Variants in PCDHGA2 observed in about 807,000 individuals in gnomAD.
PCDHGA2 encodes protocadherin gamma-A2.
PCDHGA2 carries 40 observed loss-of-function variants against 59.2 expected under a neutral mutation model. The observed-to-expected ratio is 0.68, with a 90% CI of 0.52 to 0.88. The LOEUF is 0.88. Ranked by LOEUF, PCDHGA2 falls within the 40% of genes least tolerant of loss-of-function variation. The pLI, the probability that PCDHGA2 is intolerant of heterozygous loss-of-function variation, is 0.00. For synonymous variants in PCDHGA2, 560 were observed against 526.0 expected (o/e 1.06, Z -0.89); for missense variants, 1,226 against 1,204.0 (o/e 1.02, Z -0.27).
At chr5:141,365,186 G>T in intron 1 of PCDHGA2, 1 of 1,613,880 alleles carries the variant, frequency 6.2e-7, no homozygotes, top group Non-Finnish European at 8.5e-7. Flanking sequence ...CAATGAAGAA[G>T]AAAAAATTTC....
At chr5:141,355,917 T>C (rs538796381) in intron 1 of PCDHGA2, 1 of 1,613,796 alleles carries the variant, frequency 6.2e-7, no homozygotes, top group East Asian at 2.2e-5. Context: ...ACGATAATGC[T>C]CCCGTGTTCA....
Position 141,422,522 on chromosome 5 carries a change from C to T in PCDHGA2, c.2425-72285C>T, listed in dbSNP as rs767482856. On this transcript the variant is annotated intron_variant, in intron 1 of 3. Coordinates refer to ENST00000394576, the MANE Select transcript of PCDHGA2 (RefSeq NM_018915.4). Reference sequence around the variant, plus strand: ...ACAGCCACAGACCAGGGAAGCCCGCCTTTGTCTGCAGAAACTCATGTCTGG... The same window carrying T: ...ACAGCCACAGACCAGGGAAGCCCGCTTTTGTCTGCAGAAACTCATGTCTGG... 11 of 1,614,014 alleles carry T rather than the reference C, an allele frequency of 6.8e-6. No homozygotes were observed. In the South Asian group the frequency reaches 1.1e-4, roughly 16 times the overall value.
In PCDHGA2 at chr5:141,486,866, G is replaced by A; in HGVS notation, c.2425-7941G>A. Reference sequence around the variant, plus strand: ...GGACCTCAATGACAATGCTCCAGCTGTGCTCCGTCCTCGGGCCCGGCCTGG... The same window carrying A: ...GGACCTCAATGACAATGCTCCAGCTATGCTCCGTCCTCGGGCCCGGCCTGG... On this transcript the variant is annotated intron_variant, in intron 1 of 3. Transcript: ENST00000394576. The surrounding 1 kb of genome is among the most constrained non-coding windows in gnomAD (Gnocchi z 5.0). 6.2e-7 allele frequency: 1 copy of A among 1,614,202 alleles called. No homozygotes were observed. The highest frequency in any genetic ancestry group is 8.5e-7 in the Non-Finnish European group (1 of 1,180,038).
intron 1 of PCDHGA2, among the ~76,000 whole-genome samples, chr5:141,359,008 G>A (rs1212259195): frequency 2.0e-5 from 3 of 152,230 alleles, no homozygotes; most frequent in Non-Finnish European, 4.4e-5. Flanking sequence ...ACACAAATTA[G>A]TGTAATTTGA....
intron 1 of PCDHGA2, chr5:141,362,167 C>T: frequency 6.2e-7 from 1 of 1,614,044 alleles, no homozygotes; most frequent in Non-Finnish European, 8.5e-7. Flanking sequence ...CCTCAGCGAC[C>T]GCCGGGAGCC....
At chr5:141,426,826 T>C (rs2096963111) in intron 1 of PCDHGA2, 1 of 456,600 alleles carries the variant, frequency 2.2e-6, no homozygotes, top group Admixed American at 2.3e-5. Flanking sequence ...TCTCTGATGA[T>C]GGACAAGACT....
rs1374646530 is a variant in PCDHGA2, at chr5:141,431,339, T to C, written c.2425-63468T>C. ...AGCCGACGGTAGTAAGTACCCCGAA[T>C]TGGTGCTGAAACGCGCCCTGGACCG... On this transcript the variant is annotated intron_variant, in intron 1 of 3. Coordinates refer to ENST00000394576, the MANE Select transcript of PCDHGA2 (RefSeq NM_018915.4). This position sits in a 1 kb window ranked among gnomAD's most constrained non-coding sequence, Gnocchi z 4.8. 1 of 1,614,060 alleles carries C rather than the reference T, an allele frequency of 6.2e-7. No individual in the cohort carries two copies. The highest frequency in any genetic ancestry group is 8.5e-7 in the Non-Finnish European group (1 of 1,180,024).
At chr5:141,394,859 C>G in intron 1 of PCDHGA2, 4 of 1,613,758 alleles carry the variant, frequency 2.5e-6, no homozygotes, top group Non-Finnish European at 3.4e-6. Flanking sequence ...AGCCTTCGGT[C>G]GACCCGAACG....
chr5:141,344,720 A>G (rs1480095301), intron 1 of PCDHGA2: 2 of 1,613,808 alleles, frequency 1.2e-6, no homozygotes, highest in Non-Finnish European at 1.7e-6. Flanking sequence ...TGCACATCCA[A>G]GTGATAGTCC....
chr5:141,474,687 A>G (rs369586568), intron 1 of PCDHGA2, among the ~76,000 whole-genome samples: 35 of 152,302 alleles, frequency 2.3e-4, no homozygotes, highest in African/African-American at 7.7e-4. Flanking sequence ...CTACCCCTTC[A>G]CTTATGTTCA....
intron 1 of PCDHGA2, chr5:141,356,248 A>T (rs1760166144): frequency 6.3e-7 from 1 of 1,577,062 alleles, no homozygotes; most frequent in Non-Finnish European, 8.6e-7. Flanking sequence ...AGTCACAGTT[A>T]CATCTCTCAC....
At chr5:141,355,349 A>T (rs534261115) in intron 1 of PCDHGA2, 2 of 1,614,032 alleles carry the variant, frequency 1.2e-6, no homozygotes, top group South Asian at 2.2e-5. Flanking sequence ...AACATCGCCA[A>T]GGACCTGGGG....
chr5:141,341,666 G>T, intron 1 of PCDHGA2: 1 of 624,078 alleles, frequency 1.6e-6, no homozygotes. Context: ...AGGGTGTCTG[G>T]TTTCTTATAC....
chr5:141,359,398 T>A (rs913400930), intron 1 of PCDHGA2, among the ~76,000 whole-genome samples: 8 of 152,004 alleles, frequency 5.3e-5, no homozygotes, highest in Non-Finnish European at 7.4e-5. Flanking sequence ...TAAAATCAAA[T>A]TTTTTAAAAA....
intron 1 of PCDHGA2, chr5:141,428,270 C>T (rs1353416356): frequency 1.3e-6 from 1 of 778,952 alleles, no homozygotes. Flanking sequence ...AGTCCTGTGC[C>T]CTCTGATTCC....
chr5:141,421,586 T>A (rs750525078), intron 1 of PCDHGA2: 2 of 1,613,602 alleles, frequency 1.2e-6, no homozygotes, highest in Admixed American at 3.3e-5. Context: ...ATTTACGGAG[T>A]GGAGGTGGAA....
chr5:141,460,388 G>T (rs1425099375), intron 1 of PCDHGA2, among the ~76,000 whole-genome samples: 1 of 151,774 alleles, frequency 6.6e-6, no homozygotes, highest in East Asian at 1.9e-4. Context: ...TTATAATTTG[G>T]TCTATGAATC....
At chr5:141,483,082 C>T (rs2099576709) in intron 1 of PCDHGA2, among the ~76,000 whole-genome samples, 1 of 151,662 alleles carries the variant, frequency 6.6e-6, no homozygotes, top group African/African-American at 2.4e-5. Flanking sequence ...GAGACTCCAT[C>T]TCAAAAAAAA....
chr5:141,368,121 T>C (rs1431804065), intron 1 of PCDHGA2, among the ~76,000 whole-genome samples: 2 of 152,228 alleles, frequency 1.3e-5, no homozygotes, highest in Non-Finnish European at 2.9e-5. Flanking sequence ...TATTAAAATA[T>C]TCTTAATCCT....
Sources: allele counts gnomAD v4.1 joint callset (sites outside exome capture counted in the v4.1 genomes callset), GRCh38; gene constraint gnomAD v4.1.1; non-coding constraint Gnocchi (gnomAD v3.1); transcripts MANE v1.5; gene names NCBI Gene and HGNC (gene_info 2026-07-23, HGNC 2026-07-21).